The following PPFIA2 variants were observed in gnomAD, a reference collection of about 807,000 sequenced individuals.
The protein encoded by PPFIA2 is liprin-alpha-2.
In PPFIA2, 46 loss-of-function variants were observed where a neutral mutation model predicts 175.5. The ratio of observed to expected loss-of-function variants is 0.26; its 90% CI spans 0.21 to 0.34. PPFIA2 has a LOEUF of 0.34. Among genes scored for constraint, PPFIA2 ranks in the 10% least tolerant of loss-of-function variants. The pLI is 1.00. For missense variants in PPFIA2, 1,179 were observed against 1,506.1 expected (o/e 0.78, Z 3.60); for synonymous variants, 568 against 511.4 (o/e 1.11, Z -1.49).
At chr12:81,440,224 T>C (rs1327776414) in intron 6 of PPFIA2, among the ~76,000 whole-genome samples, 178 bp from the exon 7 acceptor site, 1 of 152,172 alleles carries the variant, frequency 6.6e-6, no homozygotes, top group Admixed American at 6.5e-5. Flanking sequence ...TGTCACCTCG[T>C]ATTGTCACTG....
intron 4 of PPFIA2, among the ~76,000 whole-genome samples, chr12:81,502,119 T>C (rs1360545641): frequency 1.3e-5 from 2 of 152,166 alleles, no homozygotes; most frequent in Admixed American, 6.6e-5. Flanking sequence ...TTTCTCATTA[T>C]GAGAAGATCA....
At chr12:81,637,643 C>A (rs996654614) in intron 4 of PPFIA2, among the ~76,000 whole-genome samples, 15 of 152,148 alleles carry the variant, frequency 9.9e-5, no homozygotes, top group African/African-American at 3.4e-4. Context: ...AGGAATCAAG[C>A]ACTAGATAAT....
intron 4 of PPFIA2, among the ~76,000 whole-genome samples, chr12:81,460,904 G>C (rs2054414776): frequency 1.3e-5 from 2 of 152,086 alleles, no homozygotes; most frequent in Admixed American, 6.6e-5. Flanking sequence ...CCATGATGGA[G>C]CTGGGCTTTG....
intron 3 of PPFIA2, among the ~76,000 whole-genome samples, chr12:81,752,886 C>A (rs1286715178): frequency 2.0e-5 from 3 of 151,732 alleles, no homozygotes; most frequent in Non-Finnish European, 4.4e-5. Flanking sequence ...TCAAAAATCC[C>A]ATTCATTTTT....
intron 4 of PPFIA2, among the ~76,000 whole-genome samples, chr12:81,488,304 C>A (rs2059060005): frequency 6.6e-6 from 1 of 151,586 alleles, no homozygotes; most frequent in Non-Finnish European, 1.5e-5. Context: ...TCATCTGTTT[C>A]CTCTCTCTAC....
chr12:81,642,324 A>G (rs1321036374), intron 4 of PPFIA2, among the ~76,000 whole-genome samples: 3 of 151,924 alleles, frequency 2.0e-5, no homozygotes, highest in Non-Finnish European at 4.4e-5. Context: ...AGAGTTATGT[A>G]AGATTTTATG....
rs1206458575 is a variant in PPFIA2 at position 81,668,168 on chromosome 12, C to CAAAA, written c.303+8619_303+8622dup. On this transcript the variant is annotated intron_variant, in intron 4 of 32. Coordinates refer to ENST00000549396, the MANE Select transcript of PPFIA2 (RefSeq NM_003625.5). The stretch of plus-strand genomic sequence containing the variant: ...CTCACATTTCAGTTTATATTCTTGG[C>CAAAA]AAAACAGCTGACATCCTATTAATTC... Among the ~76,000 whole-genome samples the CAAAA allele has an allele frequency of 1.8e-4, 28 of 152,152 alleles. No individual in the cohort carries two copies. In the East Asian group the frequency reaches 5.3e-3, roughly 29 times the overall value.
chr12:81,266,932 T>A lies in PPFIA2; in HGVS notation c.3555+20A>T. On this transcript the variant is annotated intron_variant, in intron 30 of 32. Coordinates refer to ENST00000549396, the MANE Select transcript of PPFIA2 (RefSeq NM_003625.5). ...TTCTTTTACTCTCTCAGATCTCTTT[T>A]GAATAACAGGTGGACTTACTTCATC... The A allele has an allele frequency of 6.3e-7, 1 of 1,576,136 alleles. No homozygotes were observed. The highest frequency in any genetic ancestry group is 2.2e-5 in the East Asian group (1 of 44,584).
intron 4 of PPFIA2, among the ~76,000 whole-genome samples, chr12:81,652,123 G>GA (rs1041590025): frequency 1.1e-4 from 16 of 151,076 alleles, no homozygotes; most frequent in South Asian, 4.2e-4. Context: ...GGATGACTGT[G>GA]AAAGACCAGT....
At chr12:81,318,437 T>C (rs1481704602) in intron 22 of PPFIA2, among the ~76,000 whole-genome samples, 1 of 151,748 alleles carries the variant, frequency 6.6e-6, no homozygotes, top group East Asian at 1.9e-4. Context: ...TATGTTCCCC[T>C]ATATAGAGGA....
intron 4 of PPFIA2, among the ~76,000 whole-genome samples, chr12:81,489,157 A>C (rs2059160209): frequency 1.3e-5 from 2 of 151,870 alleles, no homozygotes; most frequent in Non-Finnish European, 2.9e-5. Context: ...TATTTCATTA[A>C]TTTTAGGCAA....
At chr12:81,723,156 C>T (rs781681579) in intron 3 of PPFIA2, among the ~76,000 whole-genome samples, 2 of 150,940 alleles carry the variant, frequency 1.3e-5, no homozygotes, top group Non-Finnish European at 3.0e-5. Context: ...TACCTTGCTG[C>T]TTCATATTTC....
At chr12:81,266,612 A>T (rs535135501) in intron 30 of PPFIA2, among the ~76,000 whole-genome samples, 1 of 152,294 alleles carries the variant, frequency 6.6e-6, no homozygotes, top group South Asian at 2.1e-4. Context: ...CGCACTCTTT[A>T]TTAAAAAGCT....
chr12:81,715,873 C>T (rs560639000), intron 3 of PPFIA2, among the ~76,000 whole-genome samples: 2 of 151,384 alleles, frequency 1.3e-5, no homozygotes, highest in Non-Finnish European at 3.0e-5. Context: ...TTATTGTGAA[C>T]ACAATTATAG....
intron 20 of PPFIA2, among the ~76,000 whole-genome samples, chr12:81,340,539 A>G (rs1332581140): frequency 6.6e-6 from 1 of 152,096 alleles, no homozygotes; most frequent in Non-Finnish European, 1.5e-5. Context: ...GACAAATGAC[A>G]TATTTCTCCA....
At position 81,754,230 on chromosome 12, in the gene PPFIA2, G is replaced by A. The variant is rs1402656875; in HGVS notation, c.-2-7C>T. 1 of 1,586,106 alleles carries A rather than the reference G, an allele frequency of 6.3e-7. No homozygotes were observed. Reference sequence around the variant, plus strand: ...ATCACTTCACACATCATTGCTTAAAGAAAGTAAGTGGGAAGGAGTCTTAGT... The same window carrying A: ...ATCACTTCACACATCATTGCTTAAAAAAAGTAAGTGGGAAGGAGTCTTAGT... On this transcript the variant is annotated splice_region_variant and splice_polypyrimidine_tract_variant and intron_variant, in intron 2 of 32. Coordinates refer to ENST00000549396, the MANE Select transcript of PPFIA2 (RefSeq NM_003625.5).
chr12:81,271,366 G>T (rs999807405), intron 28 of PPFIA2, among the ~76,000 whole-genome samples: 10 of 152,132 alleles, frequency 6.6e-5, no homozygotes, highest in Non-Finnish European at 1.5e-4. Flanking sequence ...TGCCTCCAAG[G>T]TTCAAGCGAT....
intron 4 of PPFIA2, chr12:81,545,360 G>A (rs11114909): frequency 6.6e-6 from 1 of 152,030 alleles, no homozygotes; most frequent in African/African-American, 2.4e-5. Flanking sequence ...TGAGGCAGTT[G>A]TTGTTCTCGG....
intron 21 of PPFIA2, among the ~76,000 whole-genome samples, chr12:81,336,611 CT>C (rs2057175069): frequency 6.6e-6 from 1 of 152,160 alleles, no homozygotes; most frequent in African/African-American, 2.4e-5. Context: ...ATTTATACAG[CT>C]TTCCCTTTCC....
Sources: gnomAD v4.1 joint callset for allele counts (sites outside exome capture counted in the v4.1 genomes callset) on GRCh38, gnomAD v4.1.1 for gene constraint, MANE v1.5 for transcripts, NCBI Gene and HGNC (gene_info 2026-07-23, HGNC 2026-07-21) for gene names.